The following PCDHGC3 variants were observed in gnomAD, a reference collection of about 807,000 sequenced individuals.
PCDHGC3 encodes the protein protocadherin gamma subfamily C, 3, also known as protocadherin gamma-C3.
In PCDHGC3, 26 loss-of-function variants were observed where a neutral mutation model predicts 59.2. That is an observed-to-expected ratio of 0.44 (90% confidence interval 0.32 to 0.61). The LOEUF is 0.61. Ranked by LOEUF, PCDHGC3 falls within the 20% of genes least tolerant of loss-of-function variation. PCDHGC3 has a pLI of 0.05. For synonymous variants in PCDHGC3, 487 were observed against 519.7 expected (o/e 0.94, Z 0.86); for missense variants, 1,080 against 1,221.8 (o/e 0.88, Z 1.73).
rs539892249 is a variant in PCDHGC3 at position 141,500,355 on chromosome 5, C to T, written c.2490-5038C>T. ...TCCAGAATAGCTGGGACTACAGGCG[C>T]CCACTACCACGCCCGGCTAATTATT... On this transcript the variant is annotated intron_variant, in intron 2 of 3. Coordinates refer to ENST00000308177, the MANE Select transcript of PCDHGC3 (RefSeq NM_002588.4). Among the ~76,000 whole-genome samples, 274 of 152,030 alleles carry T rather than the reference C, an allele frequency of 1.8e-3. 2 individuals are homozygous for T. The highest frequency in any genetic ancestry group is 6.3e-3 in the African/African-American group (263 of 41,478).
intron 3 of PCDHGC3, among the ~76,000 whole-genome samples, chr5:141,508,975 G>T (rs1360718244): frequency 2.6e-5 from 4 of 152,148 alleles, no homozygotes; most frequent in African/African-American, 7.2e-5. Context: ...AAGGGCTGGG[G>T]GTGGGGGCCA....
chr5:141,477,262 C>A lies in PCDHGC3; in HGVS notation c.1146C>A (p.Gly382=), dbSNP rs60063068. 1.2e-5 allele frequency: 19 copies of A among 1,614,020 alleles called. No homozygotes were observed. The East Asian group carries it at 4.2e-4, about 36-fold the overall frequency. Residue 382 remains glycine, a synonymous_variant, in exon 1 of 4, where the codon GGC becomes GGA. Transcript: ENST00000308177. This position sits in a 1 kb window ranked among gnomAD's most constrained non-coding sequence, Gnocchi z 4.9. ...ALLSVTDLDA[G]ENGLVTCEVP... is the part of the protein sequence containing the mutation. ...TCAGTGTGACTGACCTGGATGCTGG[C>A]GAGAACGGGCTGGTGACCTGCGAAG...
intron 2 of PCDHGC3, among the ~76,000 whole-genome samples, chr5:141,502,152 C>T (rs1306227782): frequency 2.0e-5 from 3 of 152,128 alleles, no homozygotes; most frequent in African/African-American, 4.8e-5. Flanking sequence ...AAGTAAGGAC[C>T]CCAGATATTC....
intron 3 of PCDHGC3, among the ~76,000 whole-genome samples, chr5:141,510,089 C>G (rs2099879446): frequency 6.6e-6 from 1 of 152,136 alleles, no homozygotes; most frequent in African/African-American, 2.4e-5. Flanking sequence ...GCCTGGCACA[C>G]AGTAGGTGCT....
chr5:141,476,897 A>G lies in PCDHGC3; in HGVS notation c.781A>G (p.Thr261Ala). ...CGTCCTGGAGGATGCACCCTCCGGC[A>G]CGCGCGTGGTACAAGTCCTTGCAAC... The part of the protein sequence containing the change: ...ARVLEDAPSG[T>A]RVVQVLATDL... The change falls in exon 1 of 4, where the codon ACG (threonine) becomes GCG (alanine). Residue 261 changes from threonine to alanine, a missense_variant. Physicochemically the swap from Thr to Ala is moderately conservative, Grantham distance 58. Coordinates refer to ENST00000308177, the MANE Select transcript of PCDHGC3 (RefSeq NM_002588.4). The surrounding 1 kb of genome is among the most constrained non-coding windows in gnomAD (Gnocchi z 7.6). 1 of 1,613,938 alleles carries G rather than the reference A, an allele frequency of 6.2e-7. No individual in the cohort carries two copies. Among genetic ancestry groups the G allele is most frequent in the Non-Finnish European group, 8.5e-7 (1 of 1,180,012 alleles).
At chr5:141,506,351 A>G (rs1029519620) in intron 3 of PCDHGC3, among the ~76,000 whole-genome samples, 2 of 150,784 alleles carry the variant, frequency 1.3e-5, no homozygotes, top group African/African-American at 4.9e-5. Context: ...TGGGAGGCTG[A>G]GGCAGGAGAA....
In PCDHGC3 at chr5:141,490,679, A is replaced by C; in HGVS notation, c.2431-4128A>C. On this transcript the variant is annotated intron_variant, in intron 1 of 3. Coordinates refer to ENST00000308177, the MANE Select transcript of PCDHGC3 (RefSeq NM_002588.4). The surrounding 1 kb of genome is among the most constrained non-coding windows in gnomAD (Gnocchi z 5.4). ...CTTCTTTGCACTGTGGCTGCCTCAG[A>C]TCCAGACACTGGGGATAATGCCCGC... 6.2e-7 allele frequency: 1 copy of C among 1,614,164 alleles called. No individual in the cohort carries two copies. The highest frequency in any genetic ancestry group is 8.5e-7 in the Non-Finnish European group (1 of 1,180,034).
chr5:141,489,962 C>A lies in PCDHGC3; in HGVS notation c.2431-4845C>A. The A allele has an allele frequency of 6.2e-7, 1 of 1,614,184 alleles. No individual in the cohort carries two copies. The highest frequency in any genetic ancestry group is 8.5e-7 in the Non-Finnish European group (1 of 1,180,008). ...CTGGACATCAATGATAATGCTCCAA[C>A]CTTCCAATCCTCAGTTCTACGTGTG... is the stretch of plus-strand genomic sequence containing the variant. On this transcript the variant is annotated intron_variant, in intron 1 of 3. Transcript: ENST00000308177. This position sits in a 1 kb window ranked among gnomAD's most constrained non-coding sequence, Gnocchi z 4.5.
intron 1 of PCDHGC3, among the ~76,000 whole-genome samples, chr5:141,494,034 A>T (rs1206242414): frequency 1.3e-5 from 2 of 152,162 alleles, no homozygotes; most frequent in Non-Finnish European, 2.9e-5. Flanking sequence ...CTGGAGACTT[A>T]GTTGGCCCTG....
In PCDHGC3 at chr5:141,491,198, A is replaced by T. The variant is rs1344758185; in HGVS notation, c.2431-3609A>T. ...GTGGTCCTGGTGAGGGACAATGGTG[A>T]CCCTTCACTCTCCTCCACAGCCACA... On this transcript the variant is annotated intron_variant, in intron 1 of 3. Coordinates refer to ENST00000308177, the MANE Select transcript of PCDHGC3 (RefSeq NM_002588.4). This position sits in a 1 kb window ranked among gnomAD's most constrained non-coding sequence, Gnocchi z 6.9. 1.2e-6 allele frequency: 2 copies of T among 1,613,912 alleles called. No individual in the cohort carries two copies. The highest frequency in any genetic ancestry group is 1.3e-5 in the African/African-American group (1 of 74,866).
chr5:141,491,118 T>C lies in PCDHGC3; in HGVS notation c.2431-3689T>C, dbSNP rs1421005816. Reference sequence around the variant, plus strand: ...TGTTCCTCGTGTCTACACACACTGGTGAGGTGCGCACAGCCCGGGCCTTAC... The same window carrying C: ...TGTTCCTCGTGTCTACACACACTGGCGAGGTGCGCACAGCCCGGGCCTTAC... On this transcript the variant is annotated intron_variant, in intron 1 of 3. Coordinates refer to ENST00000308177, the MANE Select transcript of PCDHGC3 (RefSeq NM_002588.4). This position sits in a 1 kb window ranked among gnomAD's most constrained non-coding sequence, Gnocchi z 6.9. The C allele has an allele frequency of 1.2e-6, 2 of 1,613,926 alleles. No homozygotes were observed. Among genetic ancestry groups the C allele is most frequent in the African/African-American group, 2.7e-5 (2 of 74,890 alleles).
At chr5:141,482,530 C>CTAAAAA in intron 1 of PCDHGC3, among the ~76,000 whole-genome samples, 1 of 76,560 alleles carries the variant, frequency 1.3e-5, no homozygotes, top group African/African-American at 4.8e-5. Context: ...GACAGACATG[C>CTAAAAA]AAAAAAAAAA....
At chr5:141,500,026 T>G (rs1297397353) in intron 2 of PCDHGC3, among the ~76,000 whole-genome samples, 1 of 151,974 alleles carries the variant, frequency 6.6e-6, no homozygotes, top group Non-Finnish European at 1.5e-5. Flanking sequence ...TATATTTGAG[T>G]GAGTGTCTCT....
intron 1 of PCDHGC3, among the ~76,000 whole-genome samples, chr5:141,484,685 T>G (rs2099599013): frequency 6.6e-6 from 1 of 151,934 alleles, no homozygotes; most frequent in Non-Finnish European, 1.5e-5. Flanking sequence ...TTGCTAGGGC[T>G]CAGGCTGTGG....
At chr5:141,501,206 A>G (rs977574347) in intron 2 of PCDHGC3, among the ~76,000 whole-genome samples, 22 of 151,674 alleles carry the variant, frequency 1.5e-4, no homozygotes, top group African/African-American at 5.3e-4. Context: ...GGGTGTTGTC[A>G]GGGTGACTTC....
At position 141,511,262 on chromosome 5, in the gene PCDHGC3, G is replaced by A; in HGVS notation, c.*89G>A. 1 of 1,556,036 alleles carries A rather than the reference G, an allele frequency of 6.4e-7. No individual in the cohort carries two copies. The highest frequency in any genetic ancestry group is 8.7e-7 in the Non-Finnish European group (1 of 1,150,444). On this transcript the variant is annotated 3_prime_UTR_variant, in exon 4 of 4. Transcript: ENST00000308177. ...TGCACCCAGGCCTCAGAGTTTCAGG[G>A]CTAACCCCCAGAATACTGGTAGGGG...
chr5:141,501,333 A>ACACACACC (rs1186649373), intron 2 of PCDHGC3, among the ~76,000 whole-genome samples: 1 of 140,020 alleles, frequency 7.1e-6, no homozygotes, highest in African/African-American at 2.6e-5. Context: ...ACACACACAC[A>ACACACACC]CCCCAAACTC....
At chr5:141,510,321 CA>C (rs1376271166) in intron 3 of PCDHGC3, among the ~76,000 whole-genome samples, 1 of 150,840 alleles carries the variant, frequency 6.6e-6, no homozygotes, top group Non-Finnish European at 1.5e-5. Context: ...CTTGGAAGAG[CA>C]CTCTTCACCC....
Position 141,476,908 on chromosome 5 carries a change from A to T in PCDHGC3, c.792A>T (p.Val264=). ...ATGCACCCTCCGGCACGCGCGTGGT[A>T]CAAGTCCTTGCAACGGATCTGGATG... is the stretch of plus-strand genomic sequence containing the variant. ...LEDAPSGTRV[V]QVLATDLDEG... Residue 264 remains valine (V), a synonymous_variant, in exon 1 of 4, where the codon GTA becomes GTT. Coordinates refer to ENST00000308177, the MANE Select transcript of PCDHGC3 (RefSeq NM_002588.4). This position sits in a 1 kb window ranked among gnomAD's most constrained non-coding sequence, Gnocchi z 7.6. The T allele has an allele frequency of 1.2e-6, 2 of 1,614,050 alleles. No individual in the cohort carries two copies. The highest frequency in any genetic ancestry group is 1.7e-6 in the Non-Finnish European group (2 of 1,180,038).
Sources: gnomAD v4.1 joint callset for allele counts (sites outside exome capture counted in the v4.1 genomes callset) on GRCh38, gnomAD v4.1.1 for gene constraint, Gnocchi (gnomAD v3.1) non-coding constraint, MANE v1.5 for transcripts, NCBI Gene and HGNC (gene_info 2026-07-23, HGNC 2026-07-21) for gene names.